The following SRBD1 variants were observed in gnomAD, a reference collection of about 807,000 sequenced individuals.
SRBD1 encodes the protein S1 RNA-binding domain-containing protein 1.
SRBD1 carries 88 observed loss-of-function variants against 115.3 expected under a neutral mutation model. The observed-to-expected ratio is 0.76, with a 90% confidence interval of 0.64 to 0.91. SRBD1 has a LOEUF of 0.91. Among genes scored for constraint, SRBD1 ranks in the 40% least tolerant of loss-of-function variants. SRBD1 has a pLI of 0.00. For synonymous variants in SRBD1, 509 were observed against 407.7 expected, an observed-to-expected ratio of 1.25 and a Z score of -2.99; for missense variants, 1,385 against 1,177.4, an observed-to-expected ratio of 1.18 and a Z score of -2.58.
chr2:45,427,896 T>C (rs911660258), intron 16 of SRBD1, among the ~76,000 whole-genome samples: 1 of 152,110 alleles, frequency 6.6e-6, no homozygotes. Flanking sequence ...CACACAATAA[T>C]AGCGGAAGAC....
chr2:45,486,656 C>T (rs182604165), intron 15 of SRBD1, among the ~76,000 whole-genome samples: 33 of 151,982 alleles, frequency 2.2e-4, no homozygotes, highest in Admixed American at 5.9e-4. Flanking sequence ...TGGCATGAAC[C>T]CCGGAGGGAG....
At chr2:45,521,724 TA>T (rs1171309081) in intron 14 of SRBD1, among the ~76,000 whole-genome samples, 1 of 152,134 alleles carries the variant, frequency 6.6e-6, no homozygotes, top group Non-Finnish European at 1.5e-5. Context: ...CCCAGCACTT[TA>T]GGTGGCCAAA....
At chr2:45,437,191 G>T (rs1668524047) in intron 16 of SRBD1, among the ~76,000 whole-genome samples, 1 of 152,016 alleles carries the variant, frequency 6.6e-6, no homozygotes, top group Admixed American at 6.5e-5. Flanking sequence ...CCCATCTATA[G>T]ATTCAACACA....
intron 16 of SRBD1, among the ~76,000 whole-genome samples, chr2:45,465,620 ATATT>A (rs1350742311): frequency 6.6e-6 from 1 of 152,216 alleles, no homozygotes; most frequent in Non-Finnish European, 1.5e-5. Flanking sequence ...GATTTTCAAC[ATATT>A]TTCTTCAAAG....
At chr2:45,550,839 G>C (rs1488074919) in intron 12 of SRBD1, among the ~76,000 whole-genome samples, 1 of 152,122 alleles carries the variant, frequency 6.6e-6, no homozygotes, top group African/African-American at 2.4e-5. Flanking sequence ...CACAATAATA[G>C]AATCTGATGG....
At chr2:45,546,267 G>C (rs1672116273) in intron 14 of SRBD1, 4 of 985,346 alleles carry the variant, frequency 4.1e-6, no homozygotes, top group Non-Finnish European at 4.8e-6. Flanking sequence ...GTGACCAAGG[G>C]ATAAATGAGG....
chr2:45,490,711 G>C (rs966172292), intron 14 of SRBD1, among the ~76,000 whole-genome samples: 3 of 152,016 alleles, frequency 2.0e-5, no homozygotes, highest in African/African-American at 7.2e-5. Flanking sequence ...CTGGGCTTTT[G>C]GAGGTTATAA....
At chr2:45,487,122 A>G (rs1172331479) in intron 15 of SRBD1, among the ~76,000 whole-genome samples, 1 of 152,220 alleles carries the variant, frequency 6.6e-6, no homozygotes, top group Non-Finnish European at 1.5e-5. Flanking sequence ...TTTTGGACGT[A>G]AGAACGCTTT....
intron 4 of SRBD1, among the ~76,000 whole-genome samples, chr2:45,598,288 T>C (rs1035407685): frequency 2.0e-5 from 3 of 152,186 alleles, no homozygotes; most frequent in Non-Finnish European, 4.4e-5. Context: ...TATTCCTTAG[T>C]GCACCACAGA....
At chr2:45,394,850 G>A (rs1667099696) in intron 19 of SRBD1, among the ~76,000 whole-genome samples, 1 of 152,198 alleles carries the variant, frequency 6.6e-6, no homozygotes, top group Admixed American at 6.5e-5. Flanking sequence ...ATACCAAAAC[G>A]TTGGTGTTTG....
chr2:45,574,150 C>A (rs1673105004), intron 8 of SRBD1, among the ~76,000 whole-genome samples: 1 of 152,096 alleles, frequency 6.6e-6, no homozygotes, highest in Non-Finnish European at 1.5e-5. Flanking sequence ...AGATAAGCTG[C>A]TCTCCTCAAC....
At chr2:45,400,946 C>G (rs1667277006) in intron 19 of SRBD1, among the ~76,000 whole-genome samples, 1 of 152,150 alleles carries the variant, frequency 6.6e-6, no homozygotes, top group African/African-American at 2.4e-5. Context: ...TTCCTAGTTT[C>G]CTCTACCAGC....
At chr2:45,496,528 G>A (rs1265225247) in intron 14 of SRBD1, among the ~76,000 whole-genome samples, 7 of 152,026 alleles carry the variant, frequency 4.6e-5, no homozygotes, top group Non-Finnish European at 1.0e-4. Flanking sequence ...TACTTTGCCG[G>A]CAACAAACAG....
chr2:45,453,264 T>TA (rs1669049879), intron 16 of SRBD1, among the ~76,000 whole-genome samples: 1 of 80,200 alleles, frequency 1.2e-5, no homozygotes, highest in African/African-American at 4.8e-5. Flanking sequence ...AACACTGCTA[T>TA]AAGGAAAAAA....
At chr2:45,490,706 C>A (rs1044767245) in intron 14 of SRBD1, among the ~76,000 whole-genome samples, 2 of 151,940 alleles carry the variant, frequency 1.3e-5, no homozygotes, top group African/African-American at 4.8e-5. Context: ...ATTTGCTGGG[C>A]TTTTGGAGGT....
At chr2:45,443,278 G>A (rs1393781768) in intron 16 of SRBD1, among the ~76,000 whole-genome samples, 1 of 152,166 alleles carries the variant, frequency 6.6e-6, no homozygotes, top group East Asian at 1.9e-4. Flanking sequence ...AAGAGGGAAA[G>A]AAGCAGATGG....
intron 16 of SRBD1, among the ~76,000 whole-genome samples, chr2:45,435,089 C>A (rs776486890): frequency 3.3e-5 from 5 of 152,126 alleles, no homozygotes; most frequent in African/African-American, 7.2e-5. Context: ...CATGTCCCTA[C>A]AAAGGACATG....
chr2:45,392,899 G>A, intron 20 of SRBD1, 46 bp downstream of exon 20: 1 of 1,520,012 alleles, frequency 6.6e-7, no homozygotes, highest in Non-Finnish European at 8.9e-7. Flanking sequence ...GAGATAATGG[G>A]AGCTATGCAA....
intron 15 of SRBD1, among the ~76,000 whole-genome samples, chr2:45,487,600 A>G: frequency 6.6e-6 from 1 of 152,280 alleles, no homozygotes; most frequent in Middle Eastern, 3.4e-3. Flanking sequence ...AAAAGCTTCA[A>G]TAATATTTTG....
Sources: gnomAD v4.1 joint callset for allele counts (sites outside exome capture counted in the v4.1 genomes callset) on GRCh38, gnomAD v4.1.1 for gene constraint, MANE v1.5 for transcripts, NCBI Gene and HGNC (gene_info 2026-07-23, HGNC 2026-07-21) for gene names.